The following MYO19 variants were observed in gnomAD, a reference collection of about 807,000 sequenced individuals.
The protein encoded by MYO19 is unconventional myosin-XIX.
Under a neutral mutation model 129.2 loss-of-function variants are expected in MYO19, and 132 were observed. The ratio of observed to expected loss-of-function variants is 1.02; its 90% CI spans 0.89 to 1.18. MYO19 has a LOEUF of 1.18. Among genes scored for constraint, MYO19 ranks in the 50% most tolerant of loss-of-function variants. The probability of loss-of-function intolerance (pLI) is 0.00; values close to 1 mark genes in which losing one functional copy is unlikely to be tolerated. For missense variants in MYO19, 1,210 were observed against 1,216.7 expected (o/e 0.99, Z 0.08); for synonymous variants, 531 against 477.2 (o/e 1.11, Z -1.47).
At chr17:36,509,406 C>T in intron 13 of MYO19, 1 of 532,320 alleles carries the variant, frequency 1.9e-6, no homozygotes, top group Non-Finnish European at 3.4e-6. Flanking sequence ...AGCTCCTAGG[C>T]TGGGGAGGGA....
In MYO19 at chr17:36,527,667, C is replaced by G; in HGVS notation, c.184G>C (p.Asp62His). The G allele has an allele frequency of 6.2e-7, 1 of 1,613,776 alleles. No individual in the cohort carries two copies. Among genetic ancestry groups the G allele is most frequent in the Non-Finnish European group, 8.5e-7 (1 of 1,179,784 alleles). The part of the protein sequence containing the change: ...LRCLQARYMA[D>H]TFYTNAGCTL... ...CAGCCAGCATTGGTGTAGAATGTGTCTGCCATGTACCGGGCCTGCAGGCAC... is the reference window on the plus strand; with the variant it reads ...CAGCCAGCATTGGTGTAGAATGTGTGTGCCATGTACCGGGCCTGCAGGCAC... Residue 62 changes from aspartate to histidine, a missense_variant, in exon 5 of 26, where the codon GAC becomes CAC. Transcript: ENST00000614623.
At position 36,505,297 on chromosome 17, in the gene MYO19, C is replaced by T; in HGVS notation, c.1905G>A (p.Glu635=). Residue 635 remains glutamate, a splice_region_variant and synonymous_variant, in exon 19 of 26, where the codon GAG becomes GAA. Coordinates refer to ENST00000614623, the MANE Select transcript of MYO19 (RefSeq NM_001163735.2). ...GCAGCTTTGGCCCGGTGTTAATTAC[C>T]TCCTCTTGGAGAAAGGTCTGCGCCT... is the stretch of plus-strand genomic sequence containing the variant. The part of the protein sequence containing the change: ...QGQAQTFLQE[E]VLSQLEACGL... 1 of 1,614,020 alleles carries T rather than the reference C, an allele frequency of 6.2e-7. No homozygotes were observed. Among genetic ancestry groups the T allele is most frequent in the African/African-American group, 1.3e-5 (1 of 75,070 alleles).
chr17:36,534,432 CACCTCCCGGGACCA>C (rs1265163829), intron 1 of MYO19, among the ~76,000 whole-genome samples: 1 of 152,194 alleles, frequency 6.6e-6, no homozygotes, highest in Non-Finnish European at 1.5e-5. Flanking sequence ...GCTGCCCTGA[CACCTCCCGGGACCA>C]GCCGCCCCCT....
chr17:36,525,788 A>G (rs1443805680), intron 5 of MYO19, among the ~76,000 whole-genome samples: 2 of 152,214 alleles, frequency 1.3e-5, no homozygotes, highest in Non-Finnish European at 2.9e-5. Context: ...AAGTATATCC[A>G]TGTGATTTAA....
In MYO19 at chr17:36,501,227, G is replaced by A. The variant is rs1359310646; in HGVS notation, c.2089C>T (p.Pro697Ser). The A allele has an allele frequency of 1.9e-6, 3 of 1,610,874 alleles. No homozygotes were observed. The highest frequency in any genetic ancestry group is 2.5e-6 in the Non-Finnish European group (3 of 1,178,136). Residue 697 changes from proline (P) to serine (S), a missense_variant, in exon 22 of 26, where the codon CCA (proline) becomes TCA (serine). Pro to Ser is a moderately conservative substitution (Grantham distance 74, BLOSUM62 -1). Coordinates refer to ENST00000614623, the MANE Select transcript of MYO19 (RefSeq NM_001163735.2). The part of the protein sequence containing the change: ...YPAKGLPEWC[P>S]HSEEATLEPL... ...TCAAGCGTGGCTTCCTCGCTGTGTGGACACCATTCTGGGGGAGGGAGATGG... is the reference window on the plus strand; with the variant it reads ...TCAAGCGTGGCTTCCTCGCTGTGTGAACACCATTCTGGGGGAGGGAGATGG...
intron 14 of MYO19, chr17:36,508,828 G>T: frequency 1.8e-6 from 1 of 553,204 alleles, no homozygotes; most frequent in Non-Finnish European, 3.2e-6. Flanking sequence ...TTTCAGACAA[G>T]GCACTGTTGA....
chr17:36,502,150 C>T (rs1017168418), intron 21 of MYO19, among the ~76,000 whole-genome samples: 10 of 152,122 alleles, frequency 6.6e-5, no homozygotes, highest in African/African-American at 2.2e-4. Flanking sequence ...CCTGCCGAGG[C>T]GGGGCCCCCC....
At chr17:36,499,602 T>C (rs2071321413) in intron 23 of MYO19, 1 of 151,570 alleles carries the variant, frequency 6.6e-6, no homozygotes, top group Non-Finnish European at 1.5e-5. Context: ...ATACAATTAA[T>C]AGATGGTGGT....
chr17:36,537,461 T>A (rs1191251061), upstream of MYO19: 1 of 1,614,044 alleles, frequency 6.2e-7, no homozygotes, highest in African/African-American at 1.3e-5. Context: ...TGAACATCAG[T>A]CTAGAATCAG....
chr17:36,511,571 G>T, intron 11 of MYO19, 116 bp from the exon 12 acceptor site: 1 of 852,762 alleles, frequency 1.2e-6, no homozygotes, highest in Non-Finnish European at 1.9e-6. Context: ...CCCAATCATG[G>T]CCCAAGTGCC....
At position 36,495,901 on chromosome 17, in the gene MYO19, G is replaced by T; in HGVS notation, c.*350C>A. 2 of 1,215,742 alleles carry T rather than the reference G, an allele frequency of 1.6e-6. No individual in the cohort carries two copies. Among genetic ancestry groups the T allele is most frequent in the Non-Finnish European group, 2.1e-6 (2 of 971,666 alleles). 75.3% of individuals were successfully genotyped at this position (1,215,742 alleles called of 1,614,324 possible). On this transcript the variant is annotated 3_prime_UTR_variant, in exon 26 of 26. Coordinates refer to ENST00000614623, the MANE Select transcript of MYO19 (RefSeq NM_001163735.2). ...CAGCGCCAATTTTAGGCCAACTTTG[G>T]CTGTTTTCTTCCAAAAGTGCTTATG... is the stretch of plus-strand genomic sequence containing the variant.
chr17:36,527,585 A>G lies in MYO19; in HGVS notation c.266T>C (p.Leu89Pro), dbSNP rs745620880. Residue 89 changes from leucine (L) to proline (P), a missense_variant, in exon 5 of 26, where the codon CTA (leucine) becomes CCA (proline). Coordinates refer to ENST00000614623, the MANE Select transcript of MYO19 (RefSeq NM_001163735.2). ...AGGCGCAGCATGGTACTCTCTCATT[A>G]GCTCGGGCGAGTAGAGCTGAGGAAC... ...KPVPQLYSPELMREYHAAPQP... is the reference protein window; with the variant it reads ...KPVPQLYSPEPMREYHAAPQP... 6.2e-7 allele frequency: 1 copy of G among 1,613,986 alleles called. No homozygotes were observed. The highest frequency in any genetic ancestry group is 8.5e-7 in the Non-Finnish European group (1 of 1,179,880).
rs761620418 is a variant in MYO19 at position 36,532,563 on chromosome 17, G to A, written c.-25C>T. 3.2e-6 allele frequency: 5 copies of A among 1,553,628 alleles called. No homozygotes were observed. Among genetic ancestry groups the A allele is most frequent in the South Asian group, 1.2e-5 (1 of 84,126 alleles). The stretch of plus-strand genomic sequence containing the variant: ...TCCTCCTTCAAAGTGGTCAGCCAGG[G>A]TTCTGGGTTGCAGGAGGTACAAGGA... On this transcript the variant is annotated 5_prime_UTR_variant, in exon 3 of 26. Transcript: ENST00000614623.
At chr17:36,542,571 C>G (rs1221756789) in intron 1 of MYO19, among the ~76,000 whole-genome samples, 3 of 151,686 alleles carry the variant, frequency 2.0e-5, no homozygotes, top group Admixed American at 1.3e-4. Context: ...TGGTGGCAGG[C>G]GCCTGTAGTC....
upstream of MYO19, among the ~76,000 whole-genome samples, chr17:36,544,248 C>A (rs1307602196): frequency 2.0e-5 from 3 of 152,206 alleles, no homozygotes; most frequent in Non-Finnish European, 4.4e-5. Flanking sequence ...TATTTCCTTC[C>A]AGTGTAACGA....
chr17:36,495,719 GGTCA>G lies in MYO19; in HGVS notation c.*528_*531del, dbSNP rs2070907760. The G allele has an allele frequency of 1.6e-6, 2 of 1,249,018 alleles. No homozygotes were observed. Among genetic ancestry groups the G allele is most frequent in the African/African-American group, 1.5e-5 (1 of 64,756 alleles). 77.4% of individuals were successfully genotyped at this position (1,249,018 alleles called of 1,614,324 possible). A position where few individuals can be genotyped will look rare whatever the true frequency, so the allele number is the denominator to read the frequency against. ...TTACACTTCATATGGAGTTAAACTT[GGTCA>G]GTGTTAATAAAATCAAAACGTGATT... On this transcript the variant is annotated 3_prime_UTR_variant, in exon 26 of 26. Transcript: ENST00000614623.
chr17:36,527,545 C>G lies in MYO19; in HGVS notation c.300+6G>C, dbSNP rs367752659. On this transcript the variant is annotated splice_donor_region_variant and intron_variant, in intron 5 of 25. Coordinates refer to ENST00000614623, the MANE Select transcript of MYO19 (RefSeq NM_001163735.2). ...CCTGAGGCCACAGGCAGCGGCAGAG[C>G]CTTACCTGGGGCTGAGGCGCAGCAT... 6.2e-7 allele frequency: 1 copy of G among 1,612,656 alleles called. No individual in the cohort carries two copies. Among genetic ancestry groups the G allele is most frequent in the Admixed American group, 1.7e-5 (1 of 59,828 alleles).
intron 14 of MYO19, chr17:36,508,261 C>A: frequency 4.8e-6 from 1 of 208,296 alleles, no homozygotes; most frequent in East Asian, 1.1e-4. Flanking sequence ...TCCCAGGGAA[C>A]ATTTTCTGTG....
Position 36,513,991 on chromosome 17 carries a change from C to T in MYO19, c.721-266G>A, listed in dbSNP as rs138297733. On this transcript the variant is annotated intron_variant, in intron 9 of 25. Transcript: ENST00000614623. ...GACAACTCCTGCCCAGGGAGTCCGT[C>T]GTCTTGACGTGGGAGGCATACCCAT... Among the ~76,000 whole-genome samples the T allele has an allele frequency of 3.3e-5, 5 of 152,290 alleles. No homozygotes were observed. The East Asian group carries it at 9.7e-4, about 29-fold the overall frequency.
Sources: allele counts gnomAD v4.1 joint callset (sites outside exome capture counted in the v4.1 genomes callset), GRCh38; gene constraint gnomAD v4.1.1; transcripts MANE v1.5; gene names NCBI Gene and HGNC (gene_info 2026-07-23, HGNC 2026-07-21).